Variants in AQP11 observed in about 807,000 individuals in gnomAD.
The protein encoded by AQP11 is aquaporin 11, also known as aquaporin-11.
AQP11 carries 20 observed loss-of-function variants against 21.1 expected under a neutral mutation model. The ratio of observed to expected loss-of-function variants is 0.95; its 90% CI spans 0.67 to 1.38. The LOEUF (loss-of-function observed/expected upper bound fraction) is 1.38, where lower values mean the gene tolerates loss of function less well. Among genes scored for constraint, AQP11 ranks in the 40% most tolerant of loss-of-function variants. The pLI, the probability that AQP11 is intolerant of heterozygous loss-of-function variation, is 0.00. For synonymous variants in AQP11, 167 were observed against 150.1 expected, an observed-to-expected ratio of 1.11 and a Z score of -0.82; for missense variants, 339 against 340.4, an observed-to-expected ratio of 1.00 and a Z score of 0.03.
At chr11:77,592,275 AAAAAAAAG>A (rs1369409068) in intron 1 of AQP11, among the ~76,000 whole-genome samples, 1 of 152,028 alleles carries the variant, frequency 6.6e-6, no homozygotes, top group Non-Finnish European at 1.5e-5. Flanking sequence ...TCAAAAGAAA[AAAAAAAAG>A]AAAAAGAGAA....
chr11:77,597,458 G>A (rs1958790106), intron 1 of AQP11, among the ~76,000 whole-genome samples: 1 of 152,166 alleles, frequency 6.6e-6, no homozygotes, highest in South Asian at 2.1e-4. Flanking sequence ...TGTAGTCTCA[G>A]CTACTCAGGA....
rs376047777 is a variant in AQP11 at position 77,591,265 on chromosome 11, A to G, written c.619+654A>G. 4 of 979,472 alleles carry G rather than the reference A, an allele frequency of 4.1e-6. No individual in the cohort carries two copies. The African/African-American group carries it at 7.0e-5, about 17-fold the overall frequency. 60.7% of individuals were successfully genotyped at this position (979,472 alleles called of 1,614,324 possible). A position where few individuals can be genotyped will look rare whatever the true frequency, so the allele number is the denominator to read the frequency against. On this transcript the variant is annotated intron_variant, in intron 1 of 2. Transcript: ENST00000313578. ...GATGCTTTTTAAAATATAACTCTTGAGAAATCTGTTGATTTCTTTTAAACC... is the reference window on the plus strand; with the variant it reads ...GATGCTTTTTAAAATATAACTCTTGGGAAATCTGTTGATTTCTTTTAAACC...
intron 1 of AQP11, among the ~76,000 whole-genome samples, chr11:77,595,795 C>G (rs533553123): frequency 3.0e-4 from 45 of 151,968 alleles, no homozygotes; most frequent in Non-Finnish European, 5.9e-4. Context: ...GTGGTGGGCA[C>G]CTGTAATCCC....
At chr11:77,592,564 ATTCT>A (rs1479042703) in intron 1 of AQP11, among the ~76,000 whole-genome samples, 17 of 152,242 alleles carry the variant, frequency 1.1e-4, no homozygotes, top group East Asian at 3.8e-4. Flanking sequence ...TGAAGTTGAT[ATTCT>A]TTCTGTCTAC....
rs918606931 is a variant in AQP11, at chr11:77,610,215, T to A, written c.*838T>A. 3 of 152,152 alleles carry A rather than the reference T, an allele frequency of 2.0e-5. No individual in the cohort carries two copies. The highest frequency in any genetic ancestry group is 2.9e-5 in the Non-Finnish European group (2 of 68,032). The allele number at this position is 152,152 out of a possible 1,614,324, so 9.4% of individuals were successfully genotyped here. On this transcript the variant is annotated 3_prime_UTR_variant, in exon 3 of 3. Coordinates refer to ENST00000313578, the MANE Select transcript of AQP11 (RefSeq NM_173039.3). ...TACCATCTCTAGTCTTCAACTTCAA[T>A]CCAAAAATTCTTCTCGGTCACGATT...
intron 1 of AQP11, among the ~76,000 whole-genome samples, chr11:77,593,741 T>C (rs1243310564): frequency 3.3e-5 from 5 of 152,204 alleles, no homozygotes; most frequent in South Asian, 2.1e-4. Context: ...AAATGACTTA[T>C]CTAAGCTTAC....
rs554569433 is a variant in AQP11, at chr11:77,592,059, C to T, written c.619+1448C>T. Among the ~76,000 whole-genome samples, 20 of 152,180 alleles carry T rather than the reference C, an allele frequency of 1.3e-4. No individual in the cohort carries two copies. The East Asian group carries it at 3.7e-3, about 28-fold the overall frequency. On this transcript the variant is annotated intron_variant, in intron 1 of 2. Transcript: ENST00000313578. Reference sequence around the variant, plus strand: ...GGCAGGTGGATCGCTTGAGCCCAGGCGTTCGAGACTAGCCTGGGCAACATA... The same window carrying T: ...GGCAGGTGGATCGCTTGAGCCCAGGTGTTCGAGACTAGCCTGGGCAACATA...
At chr11:77,600,778 C>T (rs1488718292) in intron 1 of AQP11, among the ~76,000 whole-genome samples, 1 of 152,044 alleles carries the variant, frequency 6.6e-6, no homozygotes, top group East Asian at 1.9e-4. Context: ...TTTGGGAGGC[C>T]GAGGCGGGCG....
chr11:77,602,204 T>C (rs1199478202), intron 1 of AQP11, among the ~76,000 whole-genome samples: 2 of 152,198 alleles, frequency 1.3e-5, no homozygotes, highest in Non-Finnish European at 1.5e-5. Context: ...AAATCTTCAG[T>C]ATACCATGGC....
Position 77,590,100 on chromosome 11 carries a change from G to GT in AQP11, c.108_109insT (p.Gln37SerfsTer91). ...TGGGGCTGGCCCGCGTAGTCGCCCG[G>GT]CAGCAGCTGCACAGGCCGGTGGCCC... is the stretch of plus-strand genomic sequence containing the variant. On this transcript the variant is annotated frameshift_variant, in exon 1 of 3. Transcript: ENST00000313578. LOFTEE classifies it high-confidence loss of function. The GT allele has an allele frequency of 6.2e-7, 1 of 1,607,268 alleles. No individual in the cohort carries two copies. The highest frequency in any genetic ancestry group is 8.5e-7 in the Non-Finnish European group (1 of 1,179,534).
chr11:77,601,404 G>A (rs375515031), intron 1 of AQP11, among the ~76,000 whole-genome samples: 11 of 148,998 alleles, frequency 7.4e-5, no homozygotes, highest in African/African-American at 2.0e-4. Flanking sequence ...GCTGGAGAGC[G>A]GTGGCACAAT....
At chr11:77,607,218 C>T (rs913074246) in intron 2 of AQP11, among the ~76,000 whole-genome samples, 2 of 151,348 alleles carry the variant, frequency 1.3e-5, no homozygotes, top group Admixed American at 6.6e-5. Flanking sequence ...AAAATTGGCT[C>T]CAAATGAAAT....
At chr11:77,605,374 C>T (rs777219450) in intron 2 of AQP11, among the ~76,000 whole-genome samples, 3 of 152,124 alleles carry the variant, frequency 2.0e-5, no homozygotes, top group Non-Finnish European at 4.4e-5. Context: ...GCTCCAACTA[C>T]TATTGTAACA....
chr11:77,591,076 C>A (rs1175998106), intron 1 of AQP11: 2 of 984,754 alleles, frequency 2.0e-6, no homozygotes, highest in East Asian at 1.1e-4. Flanking sequence ...TTTGTAGTTC[C>A]ATTTTAGTCC....
chr11:77,590,609 C>T lies in AQP11; in HGVS notation c.617C>T (p.Ala206Val), dbSNP rs893255904. The T allele has an allele frequency of 2.5e-6, 4 of 1,609,624 alleles. No homozygotes were observed. The highest frequency in any genetic ancestry group is 3.4e-6 in the Non-Finnish European group (4 of 1,177,548). ...LAALITFLVY[A>V]GGSLTGAVFN... ...GCACTCATCACCTTTTTGGTCTATG[C>T]AGGTTTGTCATTCTCACCAAATACT... is the stretch of plus-strand genomic sequence containing the variant. Residue 206 changes from alanine to valine, a missense_variant and splice_region_variant, in exon 1 of 3, where the codon GCA becomes GTA. By Grantham distance (64) the Ala-to-Val change is moderately conservative. Transcript: ENST00000313578.
At chr11:77,596,480 ATGTG>A (rs1958780989) in intron 1 of AQP11, among the ~76,000 whole-genome samples, 3 of 140,876 alleles carry the variant, frequency 2.1e-5, no homozygotes, top group African/African-American at 2.6e-5. Flanking sequence ...GTAAATATAT[ATGTG>A]TAAATATATG....
intron 1 of AQP11, among the ~76,000 whole-genome samples, chr11:77,592,904 A>G (rs1392360432): frequency 2.0e-5 from 3 of 152,194 alleles, no homozygotes; most frequent in Non-Finnish European, 2.9e-5. Flanking sequence ...TTAAAATCCA[A>G]TTGCTCTGGC....
rs182314526 is a variant in AQP11 at position 77,598,944 on chromosome 11, C to T, written c.620-4612C>T. On this transcript the variant is annotated intron_variant, in intron 1 of 2. Coordinates refer to ENST00000313578, the MANE Select transcript of AQP11 (RefSeq NM_173039.3). Reference sequence around the variant, plus strand: ...TTGCCCAGACTGGAGTGCAATGGCACGATCTAGGCTCACTGCAACCTCTGC... The same window carrying T: ...TTGCCCAGACTGGAGTGCAATGGCATGATCTAGGCTCACTGCAACCTCTGC... Among the ~76,000 whole-genome samples the T allele has an allele frequency of 2.4e-3, 358 of 152,152 alleles. 1 individual carries two copies. The highest frequency in any genetic ancestry group is 8.4e-3 in the African/African-American group (349 of 41,532).
chr11:77,606,061 A>C (rs1284286608), intron 2 of AQP11, among the ~76,000 whole-genome samples: 1 of 146,740 alleles, frequency 6.8e-6, no homozygotes, highest in Admixed American at 6.9e-5. Flanking sequence ...AAAAAAAAAA[A>C]AAGCACAGTG....
Sources: allele counts gnomAD v4.1 joint callset (sites outside exome capture counted in the v4.1 genomes callset), GRCh38; gene constraint gnomAD v4.1.1; transcripts MANE v1.5; gene names NCBI Gene and HGNC (gene_info 2026-07-23, HGNC 2026-07-21).